Variants in TANGO6 observed in about 807,000 individuals in gnomAD.
The protein encoded by TANGO6 is transport and Golgi organization protein 6 homolog.
TANGO6 carries 90 observed loss-of-function variants against 114.2 expected under a neutral mutation model. That is an observed-to-expected ratio of 0.79 (90% CI 0.66 to 0.94). The LOEUF (loss-of-function observed/expected upper bound fraction) is 0.94. TANGO6 is among the 40% of genes least tolerant of loss of function. The pLI, the probability that TANGO6 is intolerant of heterozygous loss-of-function variation, is 0.00. For missense variants in TANGO6, 1,274 were observed against 1,315.3 expected (o/e 0.97, Z 0.49); for synonymous variants, 477 against 509.8 (o/e 0.94, Z 0.87).
At chr16:68,913,775 G>A (rs1962961383) in intron 11 of TANGO6, among the ~76,000 whole-genome samples, 1 of 151,910 alleles carries the variant, frequency 6.6e-6, no homozygotes, top group African/African-American at 2.4e-5. Context: ...GCAGAACCCT[G>A]GATGGACAGG....
chr16:68,910,424 C>G (rs1456899869), intron 11 of TANGO6, among the ~76,000 whole-genome samples: 1 of 152,108 alleles, frequency 6.6e-6, no homozygotes, highest in South Asian at 2.1e-4. Flanking sequence ...TTCATCCAGA[C>G]CTTATGTTTT....
chr16:69,062,172 C>A (rs1156796530), intron 17 of TANGO6, among the ~76,000 whole-genome samples: 4 of 152,122 alleles, frequency 2.6e-5, no homozygotes, highest in Non-Finnish European at 2.9e-5. Context: ...TTATTCTGAC[C>A]GCCTGCCTTC....
At chr16:68,906,644 T>A (rs1962853028) in intron 9 of TANGO6, among the ~76,000 whole-genome samples, 1 of 152,126 alleles carries the variant, frequency 6.6e-6, no homozygotes, top group South Asian at 2.1e-4. Flanking sequence ...TATTCATAGT[T>A]GTGACCATAA....
chr16:68,865,925 A>G (rs1428415701), intron 3 of TANGO6, among the ~76,000 whole-genome samples: 4 of 152,102 alleles, frequency 2.6e-5, no homozygotes, highest in Non-Finnish European at 4.4e-5. Flanking sequence ...CTCAAAAAAA[A>G]AAAAGAAATC....
chr16:68,892,732 C>G (rs569578175), intron 7 of TANGO6, among the ~76,000 whole-genome samples: 106 of 152,214 alleles, frequency 7.0e-4, no homozygotes, highest in Non-Finnish European at 1.4e-3. Flanking sequence ...CCAGGCTGGT[C>G]TTGAACTCCT....
chr16:68,903,615 C>CAAAAA (rs1175415785), intron 9 of TANGO6, among the ~76,000 whole-genome samples: 8 of 59,244 alleles, frequency 1.4e-4, no homozygotes, highest in Admixed American at 6.5e-4. Context: ...GAGACCATCT[C>CAAAAA]AAAAAAAAAA....
intron 16 of TANGO6, among the ~76,000 whole-genome samples, chr16:69,037,554 T>TA (rs749282445): frequency 6.6e-6 from 1 of 152,236 alleles, no homozygotes; most frequent in Non-Finnish European, 1.5e-5. Context: ...TTTCAGCTCT[T>TA]ACCTTGTAAA....
rs1358979662 is a variant in TANGO6, at chr16:68,927,665, T to C, written c.2225T>C (p.Val742Ala). 2 of 1,613,930 alleles carry C rather than the reference T, an allele frequency of 1.2e-6. No individual in the cohort carries two copies. Among genetic ancestry groups the C allele is most frequent in the Non-Finnish European group, 1.7e-6 (2 of 1,179,908 alleles). Residue 742 changes from valine (V) to alanine (A), a missense_variant, in exon 13 of 18, where the codon GTT becomes GCT. Physicochemically the swap from Val to Ala is moderately conservative, Grantham distance 64 (BLOSUM62 0). Transcript: ENST00000261778. Reference sequence around the variant, plus strand: ...GATCCGGTCATCCAAGAACTCGCTGTTGATCTCCGCATCACCATCTCTACC... The same window carrying C: ...GATCCGGTCATCCAAGAACTCGCTGCTGATCTCCGCATCACCATCTCTACC... ...YPDPVIQELA[V>A]DLRITISTHG...
rs539112549 is a variant in TANGO6, at chr16:68,878,140, A to T, written c.1154A>T (p.Gln385Leu). ...TAGGTTCTGGATTTATTTCACTTTC[A>T]AGATAAATTGACAGCACGACAATTT... ...CPQVLDLFHF[Q>L]DKLTARQFQR... Residue 385 changes from glutamine (Q) to leucine (L), a missense_variant, in exon 6 of 18, where the codon CAA (glutamine) becomes CTA (leucine). Around this residue, in one of 5 missense-constraint regions of TANGO6, gnomAD observed 908 missense variants for 910.2 expected, o/e 1.00. Transcript: ENST00000261778. 1.2e-6 allele frequency: 2 copies of T among 1,610,466 alleles called. No individual in the cohort carries two copies. The highest frequency in any genetic ancestry group is 2.7e-5 in the African/African-American group (2 of 74,888).
At chr16:68,860,621 C>T in intron 2 of TANGO6, 97 bp downstream of exon 2, 1 of 1,437,758 alleles carries the variant, frequency 7.0e-7, no homozygotes, top group Non-Finnish European at 9.3e-7. Flanking sequence ...ACTCTTAGTT[C>T]TTCAGAACTG....
At chr16:68,972,918 A>T (rs1198808798) in intron 14 of TANGO6, 1 of 278,004 alleles carries the variant, frequency 3.6e-6, no homozygotes, top group Non-Finnish European at 7.1e-6. Flanking sequence ...AGTGAGGCCG[A>T]CTCCTCCGAG....
chr16:68,958,186 A>G (rs754823424), intron 14 of TANGO6, among the ~76,000 whole-genome samples: 2 of 150,676 alleles, frequency 1.3e-5, no homozygotes, highest in African/African-American at 2.4e-5. Context: ...AAAAAAAACA[A>G]ATTAAATTAA....
chr16:69,027,726 G>C (rs1045105013), intron 16 of TANGO6, among the ~76,000 whole-genome samples: 5 of 150,816 alleles, frequency 3.3e-5, no homozygotes, highest in African/African-American at 9.8e-5. Context: ...AAACCAAACT[G>C]AACTGTAAAC....
chr16:68,987,945 G>A (rs754090394), intron 15 of TANGO6, among the ~76,000 whole-genome samples: 15 of 152,076 alleles, frequency 9.9e-5, no homozygotes, highest in Non-Finnish European at 1.8e-4. Context: ...TTCTATTCAT[G>A]TATCTCTTTT....
chr16:68,874,213 C>G (rs951582392), intron 4 of TANGO6, among the ~76,000 whole-genome samples: 27 of 152,160 alleles, frequency 1.8e-4, no homozygotes, highest in Admixed American at 8.5e-4. Flanking sequence ...GGTATTTTGC[C>G]CTGAAAATTC....
intron 15 of TANGO6, among the ~76,000 whole-genome samples, chr16:68,976,930 T>C (rs1403795895): frequency 6.6e-6 from 1 of 152,248 alleles, no homozygotes; most frequent in Non-Finnish European, 1.5e-5. Context: ...TTCCATTATA[T>C]ACTCACTAGC....
At position 68,927,951 on chromosome 16, in the gene TANGO6, A is replaced by G; in HGVS notation, c.2511A>G (p.Glu837=). 1 of 1,613,872 alleles carries G rather than the reference A, an allele frequency of 6.2e-7. No homozygotes were observed. The highest frequency in any genetic ancestry group is 2.2e-5 in the East Asian group (1 of 44,884). Residue 837 remains glutamate, a synonymous_variant, in exon 13 of 18, where the codon GAA becomes GAG. Coordinates refer to ENST00000261778, the MANE Select transcript of TANGO6 (RefSeq NM_024562.2). The part of the protein sequence containing the change: ...TSQKSGSVTT[E]QLQEVLLSAY... ...AGAAATCTGGAAGCGTAACCACAGAACAGCTCCAAGAGGTTCTTTTGTCAG... is the reference window on the plus strand; with the variant it reads ...AGAAATCTGGAAGCGTAACCACAGAGCAGCTCCAAGAGGTTCTTTTGTCAG...
chr16:68,930,353 T>A, intron 14 of TANGO6, 58 bp downstream of exon 14: 1 of 1,431,970 alleles, frequency 7.0e-7, no homozygotes, highest in Non-Finnish European at 9.6e-7. Context: ...GTATCATGTT[T>A]ATTTGCACAA....
At chr16:68,930,862 C>A (rs1963230462) in intron 14 of TANGO6, among the ~76,000 whole-genome samples, 3 of 152,088 alleles carry the variant, frequency 2.0e-5, no homozygotes, top group Non-Finnish European at 4.4e-5. Context: ...GACTCGAACT[C>A]CTGACCTCCA....
Sources: gnomAD v4.1 joint callset for allele counts (sites outside exome capture counted in the v4.1 genomes callset) on GRCh38, gnomAD v4.1.1 for gene constraint, gnomAD v4.1.1 regional missense constraint, MANE v1.5 for transcripts, NCBI Gene and HGNC (gene_info 2026-07-23, HGNC 2026-07-21) for gene names.